The following PTGER3 variants were observed in gnomAD, a reference collection of about 807,000 sequenced individuals.
The protein encoded by PTGER3 is prostaglandin E receptor 3.
A neutral mutation model predicts 34.7 loss-of-function variants in PTGER3; 22 were observed. That is an observed-to-expected ratio of 0.63 (90% CI 0.45 to 0.91). PTGER3 has a LOEUF of 0.91. Among genes scored for constraint, PTGER3 ranks in the 40% least tolerant of loss-of-function variants. The pLI is 0.00. For missense variants in PTGER3, 468 were observed against 519.4 expected (o/e 0.90, Z 0.96); for synonymous variants, 241 against 230.1 (o/e 1.05, Z -0.43).
intron 4 of PTGER3, among the ~76,000 whole-genome samples, chr1:70,896,289 G>A (rs1481879419): frequency 6.6e-6 from 1 of 152,130 alleles, no homozygotes; most frequent in African/African-American, 2.4e-5. Flanking sequence ...GGACATTAGG[G>A]TGGGCCTTAA....
intron 4 of PTGER3, among the ~76,000 whole-genome samples, chr1:70,900,272 C>T (rs374807630): frequency 6.6e-6 from 1 of 152,110 alleles, no homozygotes; most frequent in Non-Finnish European, 1.5e-5. Flanking sequence ...CTATCATGAC[C>T]GTGTTTCCTA....
At chr1:70,968,986 C>A (rs1572798807), downstream of PTGER3, among the ~76,000 whole-genome samples, 1 of 152,004 alleles carries the variant, frequency 6.6e-6, no homozygotes, top group African/African-American at 2.4e-5. Flanking sequence ...GCGAGTGGAT[C>A]ACTTAAGGTT....
At chr1:70,906,954 G>A (rs1030740398) in intron 4 of PTGER3, among the ~76,000 whole-genome samples, 2 of 152,174 alleles carry the variant, frequency 1.3e-5, no homozygotes, top group African/African-American at 4.8e-5. Flanking sequence ...GTTCCCAGGG[G>A]TTGCATAATT....
In PTGER3 at chr1:70,990,496, CATGT is replaced by C. The variant is rs1238481492; in HGVS notation, c.1078-16112_1078-16109del. 7.4e-5 allele frequency among the ~76,000 whole-genome samples: 11 copies of C among 149,296 alleles called. 1 individual carries two copies. The highest frequency in any genetic ancestry group is 2.5e-4 in the African/African-American group (10 of 40,424). Reference sequence around the variant, plus strand: ...TATACACATATATGCATTTTATATACATGTATGTATGTACACATATAAATACATG... The same window carrying C: ...TATACACATATATGCATTTTATATACATGTATGTACACATATAAATACATG... On this transcript the variant is annotated intron_variant, in intron 2 of 3. Transcript: ENST00000306666.
At chr1:70,859,700 G>C (rs1026039451) in intron 4 of PTGER3, among the ~76,000 whole-genome samples, 2 of 152,158 alleles carry the variant, frequency 1.3e-5, no homozygotes, top group African/African-American at 4.8e-5. Flanking sequence ...GCCAATTGCA[G>C]GAACTCGTAA....
intron 1 of PTGER3, among the ~76,000 whole-genome samples, chr1:71,024,645 C>CT (rs35271200): frequency 0.085 from 9,951 of 116,410 alleles, 616 homozygotes; most frequent in African/African-American, 0.15. Flanking sequence ...CCTTTTCTTT[C>CT]TTTTTTTTTT....
chr1:70,880,605 T>G (rs1347292944), intron 4 of PTGER3, among the ~76,000 whole-genome samples: 5 of 151,436 alleles, frequency 3.3e-5, no homozygotes, highest in African/African-American at 1.2e-4. Flanking sequence ...CAGGAGAATC[T>G]TTTGAACCCA....
At position 70,992,725 on chromosome 1, in the gene PTGER3, T is replaced by C. The variant is rs557458690; in HGVS notation, c.1078-18337A>G. Reference sequence around the variant, plus strand: ...ACCAAGGACATCGATTTCATCATTTTACTTGATTTCCTTTAGGGCTCAACC... The same window carrying C: ...ACCAAGGACATCGATTTCATCATTTCACTTGATTTCCTTTAGGGCTCAACC... On this transcript the variant is annotated intron_variant, in intron 2 of 3. Transcript: ENST00000306666. Among the ~76,000 whole-genome samples the C allele has an allele frequency of 1.2e-3, 178 of 152,324 alleles. 2 individuals are homozygous for C. The South Asian group carries it at 0.016, about 13-fold the overall frequency.
Position 71,047,623 on chromosome 1 carries a change from G to A in PTGER3, c.-46C>T. ...GGGATGGCGTCCAGAGAGCCGCAGC[G>A]GGAGGGGGCAGACGCGGCGCGGGCG... On this transcript the variant is annotated 5_prime_UTR_variant, in exon 1 of 4. Transcript: ENST00000306666. The A allele has an allele frequency of 1.4e-6, 2 of 1,474,686 alleles. No individual in the cohort carries two copies. The highest frequency in any genetic ancestry group is 1.8e-6 in the Non-Finnish European group (2 of 1,107,906). 91.4% of individuals were successfully genotyped at this position (1,474,686 alleles called of 1,614,324 possible).
intron 3 of PTGER3, 108 bp from the exon 4 acceptor site, chr1:70,971,841 T>G: frequency 1.4e-6 from 1 of 710,852 alleles, no homozygotes; most frequent in African/African-American, 1.8e-5. Context: ...TTTGTTTGCT[T>G]TAAACGTTTA....
At chr1:70,883,629 G>C (rs1349572040) in intron 4 of PTGER3, among the ~76,000 whole-genome samples, 1 of 152,160 alleles carries the variant, frequency 6.6e-6, no homozygotes, top group Non-Finnish European at 1.5e-5. Context: ...ATGTTGACCT[G>C]TTATTATAAA....
At chr1:70,956,074 A>G (rs559860595) in intron 2 of PTGER3, among the ~76,000 whole-genome samples, 8 of 152,286 alleles carry the variant, frequency 5.3e-5, no homozygotes, top group African/African-American at 1.9e-4. Flanking sequence ...AATTTTTTGT[A>G]TAATTTTGAA....
intron 4 of PTGER3, among the ~76,000 whole-genome samples, chr1:70,933,134 TGTAAA>T (rs1315929449): frequency 2.0e-5 from 3 of 152,184 alleles, no homozygotes; most frequent in Admixed American, 6.5e-5. Flanking sequence ...TACTTATTTG[TGTAAA>T]GTAATACCTG....
chr1:70,853,696 A>G (rs955915606), intron 4 of PTGER3, among the ~76,000 whole-genome samples: 3 of 152,218 alleles, frequency 2.0e-5, no homozygotes, highest in African/African-American at 4.8e-5. Context: ...AATAAGAAAA[A>G]GAAAAAACGT....
At chr1:70,858,121 T>C (rs771790942) in intron 4 of PTGER3, among the ~76,000 whole-genome samples, 1 of 152,036 alleles carries the variant, frequency 6.6e-6, no homozygotes, top group Non-Finnish European at 1.5e-5. Flanking sequence ...TTAATCTCTA[T>C]AGTTCACATC....
At chr1:70,854,329 C>T (rs770466268) in intron 4 of PTGER3, among the ~76,000 whole-genome samples, 2 of 151,956 alleles carry the variant, frequency 1.3e-5, no homozygotes, top group African/African-American at 4.8e-5. Flanking sequence ...GGTATTTCTC[C>T]GAAGAGTTAT....
chr1:70,943,847 GGAGAGAGAGA>G (rs60989903), intron 4 of PTGER3, among the ~76,000 whole-genome samples: 3 of 138,246 alleles, frequency 2.2e-5, no homozygotes, highest in Admixed American at 7.2e-5. Context: ...GGAGAGAGAG[GGAGAGAGAGA>G]GAGAGAGAGA....
At position 70,971,729 on chromosome 1, in the gene PTGER3, A is replaced by T; in HGVS notation, c.*1T>A. 1 of 1,559,644 alleles carries T rather than the reference A, an allele frequency of 6.4e-7. No homozygotes were observed. Among genetic ancestry groups the T allele is most frequent in the Non-Finnish European group, 8.7e-7 (1 of 1,150,594 alleles). On this transcript the variant is annotated 3_prime_UTR_variant, in exon 4 of 4. Transcript: ENST00000306666. ...ATAAAATGTCCAACTCCGTTCTTTC[A>T]TTATCTGTTAGAATAGAGAGAGAAA...
At chr1:71,009,149 A>G in intron 2 of PTGER3, 1 of 985,252 alleles carries the variant, frequency 1.0e-6, no homozygotes, top group Non-Finnish European at 1.2e-6. Flanking sequence ...CTACTTGAAA[A>G]TCCAATATTA....
Sources: gnomAD v4.1 joint callset for allele counts (sites outside exome capture counted in the v4.1 genomes callset) on GRCh38, gnomAD v4.1.1 for gene constraint, MANE v1.5 for transcripts, NCBI Gene and HGNC (gene_info 2026-07-23, HGNC 2026-07-21) for gene names.